HERC5: variants seen among roughly 807,000 people sequenced by gnomAD.
The protein encoded by HERC5 is HECT and RLD domain containing E3 ubiquitin protein ligase 5.
HERC5 carries 99 observed loss-of-function variants against 119.6 expected under a neutral mutation model. The ratio of observed to expected loss-of-function variants is 0.83; its 90% CI spans 0.70 to 0.98. HERC5 has a LOEUF of 0.98. HERC5 is among the 50% of genes least tolerant of loss of function. The pLI, the probability that HERC5 is intolerant of heterozygous loss-of-function variation, is 0.00. For synonymous variants in HERC5, 478 were observed against 445.9 expected, an observed-to-expected ratio of 1.07 and a Z score of -0.91; for missense variants, 1,267 against 1,241.3, an observed-to-expected ratio of 1.02 and a Z score of -0.31.
chr4:88,501,898 A>G (rs1275010124), intron 20 of HERC5, among the ~76,000 whole-genome samples: 1 of 152,084 alleles, frequency 6.6e-6, no homozygotes, highest in Non-Finnish European at 1.5e-5. Context: ...TCCCGGGTTC[A>G]AGCGATTCTC....
At chr4:88,495,908 C>G (rs1052191594) in intron 18 of HERC5, among the ~76,000 whole-genome samples, 1 of 152,120 alleles carries the variant, frequency 6.6e-6, no homozygotes, top group African/African-American at 2.4e-5. Context: ...AAATTTGTAT[C>G]ATTGTTTCTC....
chr4:88,462,435 T>C, intron 4 of HERC5, 79 bp downstream of exon 4: 1 of 1,216,422 alleles, frequency 8.2e-7, no homozygotes, highest in Non-Finnish European at 1.2e-6. Context: ...CTGTCAAAAA[T>C]GGTTCAAATC....
Position 88,479,368 on chromosome 4 carries a change from C to A in HERC5, c.1598C>A (p.Thr533Asn), listed in dbSNP as rs759721077. 8 of 1,602,908 alleles carry A rather than the reference C, an allele frequency of 5.0e-6. No homozygotes were observed. In the Admixed American group the frequency reaches 1.4e-4, roughly 28 times the overall value. ...SSLVLEEYWA[T>N]LQESTFSKLV... ...TGTTCCTCAGAAGAGTATTGGGCAACTCTGCAAGAATCCACTTTCAGCAAA... is the reference window on the plus strand; with the variant it reads ...TGTTCCTCAGAAGAGTATTGGGCAAATCTGCAAGAATCCACTTTCAGCAAA... Residue 533 changes from threonine to asparagine, a missense_variant, in exon 13 of 23, where the codon ACT becomes AAT. Physicochemically the swap from Thr to Asn is moderately conservative, Grantham distance 65. Coordinates refer to ENST00000264350, the MANE Select transcript of HERC5 (RefSeq NM_016323.4).
chr4:88,489,586 C>T (rs1170793812), intron 16 of HERC5, among the ~76,000 whole-genome samples: 1 of 152,136 alleles, frequency 6.6e-6, no homozygotes, highest in East Asian at 1.9e-4. Flanking sequence ...GTAGATAGTT[C>T]AGTGTTGGCC....
intron 18 of HERC5, among the ~76,000 whole-genome samples, chr4:88,498,643 T>C (rs543276532): frequency 6.6e-6 from 1 of 152,330 alleles, no homozygotes; most frequent in African/African-American, 2.4e-5. Context: ...CAATCTGGGC[T>C]CACTGCAACC....
chr4:88,465,022 G>T (rs527311401), intron 6 of HERC5, among the ~76,000 whole-genome samples: 36 of 152,080 alleles, frequency 2.4e-4, no homozygotes, highest in Admixed American at 2.4e-3. Context: ...CACCTGCCTC[G>T]GCCTCCCAAA....
chr4:88,505,977 C>T lies in HERC5; in HGVS notation c.*99C>T, dbSNP rs1354480403. ...ACTTTGTTTTGTTTTAGGCTTTTAG[C>T]AGCCTGAAGCCATGGTTTTTCATTT... is the stretch of plus-strand genomic sequence containing the variant. On this transcript the variant is annotated 3_prime_UTR_variant, in exon 23 of 23. Coordinates refer to ENST00000264350, the MANE Select transcript of HERC5 (RefSeq NM_016323.4). 2 of 884,242 alleles carry T rather than the reference C, an allele frequency of 2.3e-6. No homozygotes were observed. Among genetic ancestry groups the T allele is most frequent in the Middle Eastern group, 3.5e-4 (1 of 2,862 alleles). 54.8% of individuals were successfully genotyped at this position (884,242 alleles called of 1,614,324 possible). A position where few individuals can be genotyped will look rare whatever the true frequency, so the allele number is the denominator to read the frequency against.
chr4:88,486,154 C>T lies in HERC5; in HGVS notation c.1777C>T (p.Gln593Ter), dbSNP rs1342798911. ...ATGTCAACTACCTGAAAGTATTTTCCAAGTAGACGAACTCTTGCACCGTCT... is the reference window on the plus strand; with the variant it reads ...ATGTCAACTACCTGAAAGTATTTTCTAAGTAGACGAACTCTTGCACCGTCT... ...VKCQLPESIF[Q>*]VDELLHRLNF... Residue 593 changes from glutamine to a stop codon, truncating the protein, a stop_gained, in exon 14 of 23, where the codon CAA (glutamine) becomes TAA (stop). Coordinates refer to ENST00000264350, the MANE Select transcript of HERC5 (RefSeq NM_016323.4). LOFTEE classifies it high-confidence loss of function. 1.1e-5 allele frequency: 18 copies of T among 1,611,182 alleles called. No homozygotes were observed. In the Admixed American group the frequency reaches 3.0e-4, roughly 27 times the overall value.
rs1407708008 is a variant in HERC5 at position 88,479,454 on chromosome 4, G to A, written c.1684G>A (p.Glu562Lys). 10 of 1,613,064 alleles carry A rather than the reference G, an allele frequency of 6.2e-6. No homozygotes were observed. The highest frequency in any genetic ancestry group is 2.7e-5 in the African/African-American group (2 of 74,818). Residue 562 changes from glutamate (E) to lysine (K), a missense_variant, in exon 13 of 23, where the codon GAG becomes AAG. By Grantham distance (56) the Glu-to-Lys change is moderately conservative. This residue lies in a region of HERC5 where 777 missense variants were observed against 758.0 expected (regional missense o/e 1.03). Transcript: ENST00000264350. ...CQLDYWDESA[E>K]ENGNVQALLE... ...GTTGGATTACTGGGATGAAAGTGCT[G>A]AGGAGAATGGTAATGTTCAAGCTCT...
Position 88,457,529 on chromosome 4 carries a change from C to T in HERC5, c.260C>T (p.Thr87Met), listed in dbSNP as rs527971957. The change falls in exon 1 of 23, where the codon ACG (threonine) becomes ATG (methionine). Residue 87 changes from threonine to methionine, a missense_variant. Physicochemically the swap from Thr to Met is moderately conservative, Grantham distance 81 (BLOSUM62 -1). This residue lies in a region of HERC5 where 777 missense variants were observed against 758.0 expected (regional missense o/e 1.03). Coordinates refer to ENST00000264350, the MANE Select transcript of HERC5 (RefSeq NM_016323.4). ...QLLAGSGGARTPKCIKLGKNM... is the reference protein window; with the variant it reads ...QLLAGSGGARMPKCIKLGKNM... ...CTCGCCGGGAGCGGCGGCGCCCGGACGCCGAGTGAGTGGGGCTGGTGTGTG... is the reference window on the plus strand; with the variant it reads ...CTCGCCGGGAGCGGCGGCGCCCGGATGCCGAGTGAGTGGGGCTGGTGTGTG... 1 of 1,267,176 alleles carries T rather than the reference C, an allele frequency of 7.9e-7. No individual in the cohort carries two copies. Among genetic ancestry groups the T allele is most frequent in the Non-Finnish European group, 9.9e-7 (1 of 1,006,094 alleles). 78.5% of individuals were successfully genotyped at this position (1,267,176 alleles called of 1,614,324 possible).
rs183875402 is a variant in HERC5 at position 88,487,715 on chromosome 4, G to A, written c.1962+536G>A. 3.3e-5 allele frequency among the ~76,000 whole-genome samples: 5 copies of A among 152,226 alleles called. No individual in the cohort carries two copies. In the East Asian group the frequency reaches 7.7e-4, roughly 24 times the overall value. Reference sequence around the variant, plus strand: ...GTTACTAGCTGAGGTGGTTATGTTTGTAGATGTATCCAGCAAAGTGGATGG... The same window carrying A: ...GTTACTAGCTGAGGTGGTTATGTTTATAGATGTATCCAGCAAAGTGGATGG... On this transcript the variant is annotated intron_variant, in intron 15 of 22. Coordinates refer to ENST00000264350, the MANE Select transcript of HERC5 (RefSeq NM_016323.4).
chr4:88,505,754 A>G lies in HERC5; in HGVS notation c.2951A>G (p.Asn984Ser), dbSNP rs758016475. ...KITFCCPESW[N>S]ERDPIRALTC... ...ACATTTTGCTGTCCTGAAAGTTGGAATGAAAGAGACCCTATAAGAGCACTG... is the reference window on the plus strand; with the variant it reads ...ACATTTTGCTGTCCTGAAAGTTGGAGTGAAAGAGACCCTATAAGAGCACTG... The change falls in exon 23 of 23, where the codon AAT (asparagine) becomes AGT (serine). Residue 984 changes from asparagine to serine, a missense_variant. Physicochemically the swap from Asn to Ser is conservative, Grantham distance 46 (BLOSUM62 1). This residue lies in a region of HERC5 where 473 missense variants were observed against 445.7 expected (regional missense o/e 1.06). Transcript: ENST00000264350. 3.7e-6 allele frequency: 6 copies of G among 1,607,804 alleles called. No homozygotes were observed. The highest frequency in any genetic ancestry group is 5.1e-6 in the Non-Finnish European group (6 of 1,174,432).
At chr4:88,481,750 G>A (rs1741283915) in intron 13 of HERC5, among the ~76,000 whole-genome samples, 1 of 152,078 alleles carries the variant, frequency 6.6e-6, no homozygotes, top group Non-Finnish European at 1.5e-5. Context: ...AAAAATGAAT[G>A]GTCATGGCTA....
intron 3 of HERC5, among the ~76,000 whole-genome samples, chr4:88,461,241 A>G (rs936921459): frequency 6.6e-6 from 1 of 152,230 alleles, no homozygotes; most frequent in African/African-American, 2.4e-5. Flanking sequence ...TCATTCATGA[A>G]CAAATATTTC....
rs866459735 is a variant in HERC5 at position 88,459,991 on chromosome 4, T to A, written c.390-104T>A. The A allele has an allele frequency of 1.1e-5, 7 of 619,224 alleles. No homozygotes were observed. The South Asian group carries it at 1.6e-4, about 15-fold the overall frequency. 38.4% of individuals were successfully genotyped at this position (619,224 alleles called of 1,614,324 possible). On this transcript the variant is annotated intron_variant, in intron 2 of 22. Coordinates refer to ENST00000264350, the MANE Select transcript of HERC5 (RefSeq NM_016323.4). The stretch of plus-strand genomic sequence containing the variant: ...GAATGTGATGCAGTAAATTGAAAGT[T>A]TTTTCTTGAGCTTCATTTCTAATTA...
chr4:88,476,864 G>A, intron 12 of HERC5, among the ~76,000 whole-genome samples: 1 of 151,582 alleles, frequency 6.6e-6, no homozygotes, highest in East Asian at 2.0e-4. Flanking sequence ...AGGTTGCATT[G>A]AGCCAAGATC....
intron 12 of HERC5, 118 bp downstream of exon 12, chr4:88,476,148 G>C (rs1047450617): frequency 1.1e-5 from 8 of 717,968 alleles, no homozygotes; most frequent in South Asian, 5.8e-5. Flanking sequence ...AGTTCGTATT[G>C]TTAGCATACT....
Position 88,505,759 on chromosome 4 carries a change from A to G in HERC5, c.2956A>G (p.Arg986Gly). The G allele has an allele frequency of 6.2e-7, 1 of 1,607,536 alleles. No individual in the cohort carries two copies. Among genetic ancestry groups the G allele is most frequent in the South Asian group, 1.1e-5 (1 of 90,884 alleles). ...TTGCTGTCCTGAAAGTTGGAATGAA[A>G]GAGACCCTATAAGAGCACTGACATG... ...TFCCPESWNE[R>G]DPIRALTCFS... Residue 986 changes from arginine to glycine, a missense_variant, in exon 23 of 23, where the codon AGA (arginine) becomes GGA (glycine). Coordinates refer to ENST00000264350, the MANE Select transcript of HERC5 (RefSeq NM_016323.4).
At chr4:88,502,729 A>G (rs1050623486) in intron 20 of HERC5, among the ~76,000 whole-genome samples, 1 of 152,202 alleles carries the variant, frequency 6.6e-6, no homozygotes. Flanking sequence ...TGGTGGGTAT[A>G]TAGTAGTATT....
Sources: gnomAD v4.1 joint callset for allele counts (sites outside exome capture counted in the v4.1 genomes callset) on GRCh38, gnomAD v4.1.1 for gene constraint, gnomAD v4.1.1 regional missense constraint, MANE v1.5 for transcripts, NCBI Gene and HGNC (gene_info 2026-07-23, HGNC 2026-07-21) for gene names.